C16orf74: variants seen among roughly 807,000 people sequenced by gnomAD.
The protein encoded by C16orf74 is uncharacterized protein C16orf74.
Under a neutral mutation model 6.5 loss-of-function variants are expected in C16orf74, and 10 were observed. The ratio of observed to expected loss-of-function variants is 1.54; its 90% CI spans 0.95 to 2.61. C16orf74 has a LOEUF of 2.61. Ranked by LOEUF, C16orf74 falls within the 30% of genes most tolerant of loss-of-function variation. The pLI, the probability that C16orf74 is intolerant of heterozygous loss-of-function variation, is 0.00. For synonymous variants in C16orf74, 60 were observed against 42.5 expected (o/e 1.41, Z -1.60); for missense variants, 141 against 105.9 (o/e 1.33, Z -1.45).
intron 1 of C16orf74, chr16:85,743,516 C>T (rs1336867147): frequency 6.6e-6 from 1 of 152,220 alleles, no homozygotes; most frequent in Non-Finnish European, 1.5e-5. Flanking sequence ...CTGCCAGACA[C>T]TAAAGCCAAG....
At position 85,710,291 on chromosome 16, in the gene C16orf74, GAC is replaced by G; in HGVS notation, c.43_44del (p.Val15GlnfsTer47). ...CGTCGTGGCTGCTGCTGCTGCTGCTGACACACATTTGAAAGCCTGAGAAGCCA... is the reference window on the plus strand; with the variant it reads ...CGTCGTGGCTGCTGCTGCTGCTGCTGACACATTTGAAAGCCTGAGAAGCCA... ...MSCLKGFQMC[V>X]SSSSSSHDEA... On this transcript the variant is annotated frameshift_variant, in exon 3 of 4. Transcript: ENST00000284245. LOFTEE classifies it high-confidence loss of function. The G allele has an allele frequency of 2.6e-6, 4 of 1,510,696 alleles. No homozygotes were observed. Among genetic ancestry groups the G allele is most frequent in the Non-Finnish European group, 3.5e-6 (4 of 1,140,164 alleles). 93.6% of individuals were successfully genotyped at this position (1,510,696 alleles called of 1,614,324 possible). A position where few individuals can be genotyped will look rare whatever the true frequency, so the allele number is the denominator to read the frequency against.
intron 2 of C16orf74, among the ~76,000 whole-genome samples, chr16:85,712,915 G>A (rs904746734): frequency 6.6e-6 from 1 of 152,200 alleles, no homozygotes; most frequent in African/African-American, 2.4e-5. Context: ...GGGGGGCTCC[G>A]GGTCATGCCC....
At chr16:85,721,914 G>C (rs1247632099) in intron 2 of C16orf74, among the ~76,000 whole-genome samples, 1 of 151,708 alleles carries the variant, frequency 6.6e-6, no homozygotes, top group Non-Finnish European at 1.5e-5. Context: ...TACTGCAAAG[G>C]GGGTTATCAG....
At chr16:85,718,103 T>C (rs370798243) in intron 2 of C16orf74, among the ~76,000 whole-genome samples, 2 of 152,312 alleles carry the variant, frequency 1.3e-5, no homozygotes, top group South Asian at 2.1e-4. Context: ...AATTAATGAA[T>C]TGATTTTTTG....
chr16:85,749,562 C>A (rs901828287), intron 1 of C16orf74, among the ~76,000 whole-genome samples: 2 of 151,698 alleles, frequency 1.3e-5, no homozygotes, highest in Non-Finnish European at 2.9e-5. Flanking sequence ...CAGCCACAGG[C>A]GTGAGCCACT....
chr16:85,709,630 G>C (rs561699925), intron 3 of C16orf74, among the ~76,000 whole-genome samples: 112 of 152,296 alleles, frequency 7.4e-4, no homozygotes, highest in Admixed American at 3.9e-3. Context: ...AGGTATCACA[G>C]AGAGGCAGGT....
At chr16:85,717,281 C>G (rs1045372296) in intron 2 of C16orf74, among the ~76,000 whole-genome samples, 1 of 152,232 alleles carries the variant, frequency 6.6e-6, no homozygotes, top group African/African-American at 2.4e-5. Flanking sequence ...CCCATCGCGG[C>G]TGCCCATTGA....
In C16orf74 at chr16:85,715,007, ATTAGGCAG is replaced by A. The variant is rs1438930470; in HGVS notation, c.29-4708_29-4701del. On this transcript the variant is annotated intron_variant, in intron 2 of 3. Transcript: ENST00000284245. ...CCGTCTCTACTAAAAATACAAAAAA[ATTAGGCAG>A]GCACGGTGGCGGGCGCCTGTAGTCC... Among the ~76,000 whole-genome samples the A allele has an allele frequency of 1.1e-3, 166 of 151,698 alleles. 1 individual carries two copies. Among genetic ancestry groups the A allele is most frequent in the African/African-American group, 4.0e-3 (164 of 41,392 alleles).
At chr16:85,749,554 G>C (rs1191656442) in intron 1 of C16orf74, among the ~76,000 whole-genome samples, 1 of 151,588 alleles carries the variant, frequency 6.6e-6, no homozygotes, top group African/African-American at 2.4e-5. Flanking sequence ...AAGTATTGCA[G>C]CCACAGGCGT....
intron 1 of C16orf74, among the ~76,000 whole-genome samples, chr16:85,739,017 G>C (rs1452876909): frequency 1.3e-5 from 2 of 151,834 alleles, no homozygotes; most frequent in African/African-American, 4.9e-5. Context: ...GGCAGACCTG[G>C]GAAGTCTTGG....
At chr16:85,724,095 G>A (rs1039978657) in intron 2 of C16orf74, among the ~76,000 whole-genome samples, 4 of 152,056 alleles carry the variant, frequency 2.6e-5, no homozygotes, top group African/African-American at 9.7e-5. Flanking sequence ...TGTAGAAATG[G>A]GGTCTCACTA....
intron 2 of C16orf74, among the ~76,000 whole-genome samples, chr16:85,727,078 G>T (rs145999015): frequency 1.3e-5 from 2 of 152,350 alleles, no homozygotes; most frequent in African/African-American, 2.4e-5. Context: ...ACACTGCCTT[G>T]TTCATCCCTG....
chr16:85,728,452 G>A (rs2054155771), intron 2 of C16orf74, among the ~76,000 whole-genome samples: 1 of 152,098 alleles, frequency 6.6e-6, no homozygotes, highest in Non-Finnish European at 1.5e-5. Context: ...ACAGTTGCTG[G>A]GACCAGTCTC....
Position 85,727,729 on chromosome 16 carries a change from G to A in C16orf74, c.28+7461C>T, listed in dbSNP as rs184661107. Among the ~76,000 whole-genome samples the A allele has an allele frequency of 2.8e-3, 427 of 151,630 alleles. 2 individuals are homozygous for A. Among genetic ancestry groups the A allele is most frequent in the African/African-American group, 9.6e-3 (399 of 41,356 alleles). On this transcript the variant is annotated intron_variant, in intron 2 of 3. Coordinates refer to ENST00000284245, the MANE Select transcript of C16orf74 (RefSeq NM_206967.3). The stretch of plus-strand genomic sequence containing the variant: ...CTTGGGAGGCTGAGGTGGGAGAATC[G>A]CTTGATCCCAGGAGGTGGAGGTTGC...
At chr16:85,744,829 C>CAAAAAA (rs11436332) in intron 1 of C16orf74, among the ~76,000 whole-genome samples, 2 of 59,370 alleles carry the variant, frequency 3.4e-5, no homozygotes, top group African/African-American at 7.3e-5. Context: ...GACTCCATCT[C>CAAAAAA]AAAAAAAAAA....
intron 3 of C16orf74, 81 bp from the exon 4 acceptor site, chr16:85,708,147 TG>T: frequency 8.5e-7 from 1 of 1,176,618 alleles, no homozygotes; most frequent in Non-Finnish European, 1.2e-6. Context: ...ACTGCAGGGC[TG>T]GGGCCTCTGG....
In C16orf74 at chr16:85,722,049, T is replaced by C. The variant is rs2054088565; in HGVS notation, c.29-11742A>G. Among the ~76,000 whole-genome samples the C allele has an allele frequency of 2.7e-5, 4 of 149,196 alleles. No homozygotes were observed. The Admixed American group carries it at 2.7e-4, about 10-fold the overall frequency. ...TATGTTGCCAGGTGGAACTCAAACT[T>C]CTGGGCTCACGCGGTCTTGCTGCCT... On this transcript the variant is annotated intron_variant, in intron 2 of 3. Coordinates refer to ENST00000284245, the MANE Select transcript of C16orf74 (RefSeq NM_206967.3).
At chr16:85,744,624 A>T (rs950814886) in intron 1 of C16orf74, among the ~76,000 whole-genome samples, 1 of 151,960 alleles carries the variant, frequency 6.6e-6, no homozygotes, top group Non-Finnish European at 1.5e-5. Flanking sequence ...AGGTCAGGAG[A>T]TCGAGACCAT....
intron 2 of C16orf74, among the ~76,000 whole-genome samples, chr16:85,717,015 C>T: frequency 6.6e-6 from 1 of 152,202 alleles, no homozygotes; most frequent in Non-Finnish European, 1.5e-5. Context: ...CCCAAGGCTT[C>T]AGAAGGATGG....
Sources: allele counts gnomAD v4.1 joint callset (sites outside exome capture counted in the v4.1 genomes callset), GRCh38; gene constraint gnomAD v4.1.1; transcripts MANE v1.5; gene names NCBI Gene and HGNC (gene_info 2026-07-23, HGNC 2026-07-21).